Variants in JMJD1C observed in about 807,000 individuals in gnomAD.
The protein encoded by JMJD1C is jumonji domain-containing protein 1C.
In JMJD1C, 31 loss-of-function variants were observed where a neutral mutation model predicts 245.3. The ratio of observed to expected loss-of-function variants is 0.13; its 90% CI spans 0.09 to 0.17. The LOEUF is 0.17. Among genes scored for constraint, JMJD1C ranks in the 10% least tolerant of loss-of-function variants. The pLI, the probability that JMJD1C is intolerant of heterozygous loss-of-function variation, is 1.00. For missense variants in JMJD1C, 2,691 were observed against 3,000.2 expected (o/e 0.90, Z 2.41); for synonymous variants, 1,057 against 1,017.4 (o/e 1.04, Z -0.74).
intron 1 of JMJD1C, among the ~76,000 whole-genome samples, chr10:63,392,729 G>A (rs1367817897): frequency 6.8e-6 from 1 of 147,856 alleles, no homozygotes; most frequent in African/African-American, 2.5e-5. Flanking sequence ...GGAGGCTGAA[G>A]CAAGAGAACT....
chr10:63,457,652 TGAA>T (rs983255486), intron 1 of JMJD1C, among the ~76,000 whole-genome samples: 2 of 151,926 alleles, frequency 1.3e-5, no homozygotes, highest in Non-Finnish European at 2.9e-5. Flanking sequence ...GCTATAGAAA[TGAA>T]GAAAGAGAAA....
chr10:63,262,471 T>C (rs1854907442), intron 3 of JMJD1C, among the ~76,000 whole-genome samples: 1 of 152,226 alleles, frequency 6.6e-6, no homozygotes, highest in South Asian at 2.1e-4. Context: ...ACCCTAACTA[T>C]AAAAAATGCA....
In JMJD1C at chr10:63,357,454, C is replaced by T. The variant is rs140153236; in HGVS notation, c.333+22864G>A. ...CTCAGTAGCTGGGATTACAGGTGTG[C>T]GCCACCACACCTGGTTAATTTTTGT... On this transcript the variant is annotated intron_variant, in intron 2 of 25. Transcript: ENST00000399262. Among the ~76,000 whole-genome samples the T allele has an allele frequency of 2.6e-4, 40 of 151,940 alleles. No individual in the cohort carries two copies. The East Asian group carries it at 3.7e-3, about 14-fold the overall frequency.
At chr10:63,173,103 AT>A (rs1288091081) in intron 24 of JMJD1C, among the ~76,000 whole-genome samples, 1 of 151,848 alleles carries the variant, frequency 6.6e-6, no homozygotes, top group Non-Finnish European at 1.5e-5. Context: ...GAGATACTGA[AT>A]TTTCACCGTG....
rs1046038311 is a variant in JMJD1C, at chr10:63,465,308, G to A, written c.168+187C>T. The A allele has an allele frequency of 1.7e-5, 11 of 648,504 alleles. No individual in the cohort carries two copies. The East Asian group carries it at 2.0e-4, about 12-fold the overall frequency. The allele number at this position is 648,504 out of a possible 1,614,324, so 40.2% of individuals were successfully genotyped here. ...CCTGCTCCGACACCACCTCCACAGG[G>A]GAAGCCGCTCGGAGAGACGCAGGGA... On this transcript the variant is annotated intron_variant, in intron 1 of 25. Transcript: ENST00000399262.
chr10:63,479,757 G>A (rs1953772107), intron 1 of JMJD1C, among the ~76,000 whole-genome samples: 1 of 152,072 alleles, frequency 6.6e-6, no homozygotes, highest in South Asian at 2.1e-4. Context: ...TAGTCCATAG[G>A]TGATACATGT....
intron 1 of JMJD1C, among the ~76,000 whole-genome samples, chr10:63,486,228 G>C (rs60427354): frequency 1.3e-5 from 2 of 148,272 alleles, no homozygotes; most frequent in African/African-American, 5.1e-5. Flanking sequence ...AAATTCATTA[G>C]AGTATGACTG....
chr10:63,399,015 GA>G, intron 1 of JMJD1C, among the ~76,000 whole-genome samples: 1 of 52,818 alleles, frequency 1.9e-5, no homozygotes, highest in Admixed American at 1.5e-4. Context: ...TTTCTAAAAA[GA>G]AGAATAAATC....
intron 2 of JMJD1C, among the ~76,000 whole-genome samples, chr10:63,305,629 C>CGTGTGTGTGT (rs36038855): frequency 0.048 from 5,846 of 121,624 alleles, 286 homozygotes; most frequent in Non-Finnish European, 0.061. Flanking sequence ...ACCATGCTGG[C>CGTGTGTGTGT]GTGTGTGTGT....
At chr10:63,360,660 T>C (rs1193004569) in intron 2 of JMJD1C, among the ~76,000 whole-genome samples, 1 of 152,168 alleles carries the variant, frequency 6.6e-6, no homozygotes, top group Non-Finnish European at 1.5e-5. Flanking sequence ...GATAGGCAGG[T>C]AGACAGTTTT....
intron 18 of JMJD1C, among the ~76,000 whole-genome samples, chr10:63,187,421 C>T (rs1300533759): frequency 1.3e-5 from 2 of 152,144 alleles, no homozygotes; most frequent in African/African-American, 2.4e-5. Context: ...AAGCAGAAAT[C>T]TTAGGCTATC....
intron 1 of JMJD1C, among the ~76,000 whole-genome samples, chr10:63,393,907 A>G (rs1948271674): frequency 6.6e-6 from 1 of 152,202 alleles, no homozygotes; most frequent in Admixed American, 6.5e-5. Context: ...GGTGCCACGC[A>G]CAGTGGCTCA....
chr10:63,404,507 G>T (rs1949058808), intron 1 of JMJD1C, among the ~76,000 whole-genome samples: 1 of 152,104 alleles, frequency 6.6e-6, no homozygotes, highest in South Asian at 2.1e-4. Flanking sequence ...AGCCTCCTGA[G>T]TAGCTGAATA....
intron 2 of JMJD1C, among the ~76,000 whole-genome samples, chr10:63,368,909 A>G (rs1946073602): frequency 1.3e-5 from 2 of 151,844 alleles, no homozygotes; most frequent in South Asian, 4.2e-4. Context: ...TCGCCTCCCA[A>G]AGTGCTGGGA....
At chr10:63,227,833 C>T (rs543152685) in intron 3 of JMJD1C, among the ~76,000 whole-genome samples, 16 of 152,244 alleles carry the variant, frequency 1.1e-4, no homozygotes, top group African/African-American at 3.6e-4. Context: ...CAAATAGTTG[C>T]TTGTTCTTAG....
chr10:63,513,019 TTTTA>T (rs1192013181), intron 1 of JMJD1C, among the ~76,000 whole-genome samples: 1 of 152,226 alleles, frequency 6.6e-6, no homozygotes, highest in Non-Finnish European at 1.5e-5. Context: ...TTTTACTATT[TTTTA>T]TTCTTTCTTA....
At chr10:63,205,401 A>G (rs1323361212) in intron 10 of JMJD1C, among the ~76,000 whole-genome samples, 2 of 152,240 alleles carry the variant, frequency 1.3e-5, no homozygotes, top group Non-Finnish European at 2.9e-5. Context: ...TTCCAAACCC[A>G]TGGGTTCAAC....
intron 1 of JMJD1C, among the ~76,000 whole-genome samples, chr10:63,513,948 C>T (rs1034204025): frequency 2.6e-5 from 4 of 151,096 alleles, no homozygotes; most frequent in Non-Finnish European, 4.4e-5. Context: ...ATAAAATAAC[C>T]CCATTTAAAA....
intron 4 of JMJD1C, chr10:63,217,587 G>A (rs913783671): frequency 4.9e-5 from 12 of 245,632 alleles, no homozygotes; most frequent in Non-Finnish European, 2.3e-5. Context: ...CTAGGATCAC[G>A]AGTTAATAAG....
Sources: gnomAD v4.1 joint callset for allele counts (sites outside exome capture counted in the v4.1 genomes callset) on GRCh38, gnomAD v4.1.1 for gene constraint, MANE v1.5 for transcripts, NCBI Gene and HGNC (gene_info 2026-07-23, HGNC 2026-07-21) for gene names.